Variants in FGFR3 observed in about 807,000 individuals in gnomAD.
FGFR3 encodes the protein FGFR-3.
In FGFR3, 25 loss-of-function variants were observed where a neutral mutation model predicts 82.9. The observed-to-expected ratio is 0.30, with a 90% confidence interval of 0.22 to 0.42. The LOEUF (loss-of-function observed/expected upper bound fraction) is 0.42, where lower values mean the gene tolerates loss of function less well. FGFR3 is among the 10% of genes least tolerant of loss of function. The probability of loss-of-function intolerance (pLI) is 1.00; values close to 1 mark genes in which losing one functional copy is unlikely to be tolerated. For missense variants in FGFR3, 1,026 were observed against 1,161.0 expected (o/e 0.88, Z 1.69); for synonymous variants, 620 against 516.0 (o/e 1.20, Z -2.73).
At position 1,801,760 on chromosome 4, in the gene FGFR3, G is replaced by A. The variant is rs781539598; in HGVS notation, c.739+17G>A. The stretch of plus-strand genomic sequence containing the variant: ...ACGTGCTGGGTGAGGGCCCTGGGGC[G>A]GCGCGGGGGTGGGGGCGGCAGTGGC... On this transcript the variant is annotated intron_variant, in intron 6 of 17. Coordinates refer to ENST00000440486, the MANE Select transcript of FGFR3 (RefSeq NM_000142.5). The A allele has an allele frequency of 2.3e-4, 361 of 1,593,888 alleles. No homozygotes were observed. The highest frequency in any genetic ancestry group is 3.6e-4 in the South Asian group (32 of 89,126).
intron 2 of FGFR3, among the ~76,000 whole-genome samples, chr4:1,795,448 C>A (rs1720385767): frequency 6.6e-6 from 1 of 152,042 alleles, no homozygotes; most frequent in South Asian, 2.1e-4. Flanking sequence ...GGCGGCGCCC[C>A]CGCCCGCACT....
At chr4:1,806,790 G>GGAAGC (rs766012638) in intron 16 of FGFR3, 39 bp from the exon 17 acceptor site, 2 of 1,591,366 alleles carry the variant, frequency 1.3e-6, no homozygotes, top group Non-Finnish European at 1.7e-6. Context: ...GAATAAGGCG[G>GGAAGC]GAAGCGGCGG....
intron 7 of FGFR3, 94 bp downstream of exon 7, chr4:1,802,119 C>G (rs890287405): frequency 5.0e-6 from 7 of 1,400,298 alleles, no homozygotes; most frequent in Non-Finnish European, 6.9e-6. Flanking sequence ...GGATTTGGGT[C>G]TAGGGGTTGG....
intron 4 of FGFR3, among the ~76,000 whole-genome samples, chr4:1,800,823 C>T (rs567717507): frequency 2.6e-5 from 4 of 152,304 alleles, no homozygotes; most frequent in Non-Finnish European, 4.4e-5. Flanking sequence ...GAGCCCTGGA[C>T]ATCGAGATGG....
Position 1,805,587 on chromosome 4 carries a change from C to T in FGFR3, c.1563C>T (p.Asp521=). Reference sequence around the variant, plus strand: ...ATGCCACTGACAAGGACCTGTCGGACCTGGTGTCTGAGATGGAGATGATGA... The same window carrying T: ...ATGCCACTGACAAGGACCTGTCGGATCTGGTGTCTGAGATGGAGATGATGA... ...KDDATDKDLS[D]LVSEMEMMKM... Residue 521 remains aspartate, a synonymous_variant, in exon 12 of 18, where the codon GAC becomes GAT. Transcript: ENST00000440486. 6.2e-7 allele frequency: 1 copy of T among 1,613,286 alleles called. No individual in the cohort carries two copies. The highest frequency in any genetic ancestry group is 1.1e-5 in the South Asian group (1 of 91,086).
chr4:1,803,570 T>C (rs911237754), intron 7 of FGFR3, 122 bp from the exon 8 acceptor site: 3 of 1,496,662 alleles, frequency 2.0e-6, no homozygotes, highest in African/African-American at 1.4e-5. Context: ...AAGTTGGCGG[T>C]GGCTGAGGAG....
rs17884617 is a variant in FGFR3, at chr4:1,806,824, C to T, written c.2169-5C>T. On this transcript the variant is annotated splice_region_variant and splice_polypyrimidine_tract_variant and intron_variant, in intron 16 of 17. Transcript: ENST00000440486. ...GGGGCTCACTCCTGAGCGCCCTGCC[C>T]GCAGGTACATGATCATGCGGGAGTG... 5.2e-4 allele frequency: 834 copies of T among 1,601,604 alleles called. 5 individuals are homozygous for T. The highest frequency in any genetic ancestry group is 1.4e-4 in the Admixed American group (8 of 58,778).
At position 1,797,147 on chromosome 4, in the gene FGFR3, C is replaced by T. The variant is rs1720610521; in HGVS notation, c.110-2107C>T. Among the ~76,000 whole-genome samples, 3 of 152,156 alleles carry T rather than the reference C, an allele frequency of 2.0e-5. No homozygotes were observed. In the South Asian group the frequency reaches 6.2e-4, roughly 32 times the overall value. ...GTCTGTGTGGTGTCAGTGGGGCCTC[C>T]CTTTTGTGGATCAAGAAAGAAAGAA... On this transcript the variant is annotated intron_variant, in intron 2 of 17. Transcript: ENST00000440486.
At chr4:1,796,667 TG>T (rs1720552498) in intron 2 of FGFR3, among the ~76,000 whole-genome samples, 1 of 152,172 alleles carries the variant, frequency 6.6e-6, no homozygotes, top group Admixed American at 6.5e-5. Context: ...TCACATGCAC[TG>T]GGCCTCCACT....
At chr4:1,804,283 CG>C (rs1560429757) in intron 8 of FGFR3, 46 bp from the exon 9 acceptor site, 12 of 1,539,158 alleles carry the variant, frequency 7.8e-6, no homozygotes, top group African/African-American at 2.8e-5. Context: ...ATGGGAGCCC[CG>C]TGGGGGGGGG....
In FGFR3 at chr4:1,799,854, C is replaced by T. The variant is rs778038825; in HGVS notation, c.445+42C>T. The T allele has an allele frequency of 1.0e-5, 16 of 1,600,576 alleles. No homozygotes were observed. The South Asian group carries it at 1.8e-4, about 18-fold the overall frequency. On this transcript the variant is annotated intron_variant, in intron 4 of 17. Transcript: ENST00000440486. ...GGGTTCAGGCCAGCCGGGGTGGGGC[C>T]CGCTGCCACCGCCAAGCCCTGCCCT...
chr4:1,794,564 C>T (rs868665489), intron 2 of FGFR3, among the ~76,000 whole-genome samples: 6 of 152,312 alleles, frequency 3.9e-5, no homozygotes, highest in African/African-American at 1.4e-4. Context: ...CGACCCTGCC[C>T]CTGCCTGGGG....
Position 1,799,493 on chromosome 4 carries a change from G to C in FGFR3, c.349G>C (p.Val117Leu), listed in dbSNP as rs554790290. 1.9e-6 allele frequency: 3 copies of C among 1,567,490 alleles called. No homozygotes were observed. In the Admixed American group the frequency reaches 5.7e-5, roughly 30 times the overall value. ...CTGCCGGCAGCGGCTCACGCAGCGC[G>C]TACTGTGCCACTTCAGTGTGCGGGT... Reference protein sequence around the residue: ...YSCRQRLTQRVLCHFSVRVTD... With the variant: ...YSCRQRLTQRLLCHFSVRVTD... Residue 117 changes from valine to leucine, a missense_variant, in exon 3 of 18, where the codon GTA becomes CTA. By Grantham distance (32) the Val-to-Leu change is conservative. Around this residue, in one of 9 missense-constraint regions of FGFR3, gnomAD observed 226 missense variants for 222.0 expected, o/e 1.02. Coordinates refer to ENST00000440486, the MANE Select transcript of FGFR3 (RefSeq NM_000142.5).
intron 2 of FGFR3, among the ~76,000 whole-genome samples, chr4:1,798,306 G>A (rs558008336): frequency 6.6e-5 from 10 of 151,818 alleles, no homozygotes; most frequent in African/African-American, 1.9e-4. Flanking sequence ...CAGCCTGGTC[G>A]TCCTCTGTGA....
rs1560452966 is a variant in FGFR3, at chr4:1,807,428, CGT to C, written c.*170_*171del. 23 of 1,064,924 alleles carry C rather than the reference CGT, an allele frequency of 2.2e-5. No homozygotes were observed. The African/African-American group carries it at 3.4e-4, about 16-fold the overall frequency. The allele number at this position is 1,064,924 out of a possible 1,614,324, so 66.0% of individuals were successfully genotyped here. A position where few individuals can be genotyped will look rare whatever the true frequency, so the allele number is the denominator to read the frequency against. On this transcript the variant is annotated 3_prime_UTR_variant, in exon 18 of 18. Transcript: ENST00000440486. ...GTGTGTGTGTGTGTGTGCACATCCG[CGT>C]GTGCCTGTGTGCGTGCGCATCTTGC... is the stretch of plus-strand genomic sequence containing the variant.
rs745385417 is a variant in FGFR3 at position 1,805,416 on chromosome 4, A to G, written c.1474A>G (p.Ile492Val). ...CFGQVVMAEAIGIDKDRAAKP... is the reference protein window; with the variant it reads ...CFGQVVMAEAVGIDKDRAAKP... ...CGGCCAGGTGGTCATGGCGGAGGCC[A>G]TCGGCATTGACAAGGACCGGGCCGC... The change falls in exon 11 of 18, where the codon ATC (isoleucine) becomes GTC (valine). Residue 492 changes from isoleucine to valine, a missense_variant. By Grantham distance (29) the Ile-to-Val change is conservative (BLOSUM62 3). Transcript: ENST00000440486. 5.6e-6 allele frequency: 9 copies of G among 1,612,284 alleles called. No homozygotes were observed. The highest frequency in any genetic ancestry group is 1.7e-5 in the Admixed American group (1 of 59,982).
At position 1,807,142 on chromosome 4, in the gene FGFR3, C is replaced by T. The variant is rs540549001; in HGVS notation, c.2301C>T (p.Phe767=). The change falls in exon 18 of 18, where the codon TTC becomes TTT. Residue 767 remains phenylalanine, a synonymous_variant. Transcript: ENST00000440486. ...TDEYLDLSAP[F]EQYSPGGQDT... Reference sequence around the variant, plus strand: ...AGTACCTGGACCTGTCGGCGCCTTTCGAGCAGTACTCCCCGGGTGGCCAGG... The same window carrying T: ...AGTACCTGGACCTGTCGGCGCCTTTTGAGCAGTACTCCCCGGGTGGCCAGG... The T allele has an allele frequency of 9.4e-6, 15 of 1,595,230 alleles. No individual in the cohort carries two copies. Among genetic ancestry groups the T allele is most frequent in the South Asian group, 5.7e-5 (5 of 88,272 alleles).
In FGFR3 at chr4:1,808,369, G is replaced by A; in HGVS notation, c.*1107G>A. On this transcript the variant is annotated 3_prime_UTR_variant, in exon 18 of 18. Transcript: ENST00000440486. ...CCTTTGTCCTTTTTCAGGAGAATTA[G>A]ATTTCTATAGGATTTTTCTTTAGGA... 1 of 232,328 alleles carries A rather than the reference G, an allele frequency of 4.3e-6. No individual in the cohort carries two copies. The highest frequency in any genetic ancestry group is 6.1e-5 in the East Asian group (1 of 16,462). 14.4% of individuals were successfully genotyped at this position (232,328 alleles called of 1,614,324 possible).
At chr4:1,806,196 G>C (rs1245504961) in intron 14 of FGFR3, 23 bp downstream of exon 14, 1 of 1,612,598 alleles carries the variant, frequency 6.2e-7, no homozygotes. Context: ...CTGGGGTGCG[G>C]GGGTGGGGGT....
Sources: allele counts gnomAD v4.1 joint callset (sites outside exome capture counted in the v4.1 genomes callset), GRCh38; gene constraint gnomAD v4.1.1; regional missense constraint gnomAD v4.1.1; transcripts MANE v1.5; gene names NCBI Gene and HGNC (gene_info 2026-07-23, HGNC 2026-07-21).